The following DACH2 variants were observed in gnomAD, a reference collection of about 807,000 sequenced individuals.
The protein encoded by DACH2 is dachshund homolog 2.
DACH2 carries 17 observed loss-of-function variants against 35.8 expected under a neutral mutation model. That is an observed-to-expected ratio of 0.48 (90% CI 0.33 to 0.71). The LOEUF (loss-of-function observed/expected upper bound fraction) is 0.71, where lower values mean the gene tolerates loss of function less well. Ranked by LOEUF, DACH2 falls within the 30% of genes least tolerant of loss-of-function variation. DACH2 has a pLI of 0.02. For missense variants in DACH2, 469 were observed against 472.7 expected, an observed-to-expected ratio of 0.99 and a Z score of 0.07; for synonymous variants, 195 against 177.3, an observed-to-expected ratio of 1.10 and a Z score of -0.79.
At chrX:86,363,579 A>C (rs761911530) in intron 1 of DACH2, among the ~76,000 whole-genome samples, 1 of 111,822 alleles carries the variant, frequency 8.9e-6, no homozygotes, top group Admixed American at 9.6e-5. Context: ...GCTTGTTTCT[A>C]TCTGTACTCA....
intron 2 of DACH2, among the ~76,000 whole-genome samples, chrX:86,460,881 T>G (rs2037560808): frequency 9.0e-6 from 1 of 111,156 alleles, no homozygotes; most frequent in East Asian, 2.8e-4. Context: ...AACAAGACCC[T>G]TATTGCCTAT....
At chrX:86,504,788 C>T (rs190552531) in intron 2 of DACH2, among the ~76,000 whole-genome samples, 1 of 111,175 alleles carries the variant, frequency 9.0e-6, no homozygotes, top group East Asian at 2.8e-4. Context: ...TTCCCAGTCA[C>T]CTGCTATAAT....
At chrX:86,292,613 C>G (rs2072041518) in intron 1 of DACH2, among the ~76,000 whole-genome samples, 1 of 110,390 alleles carries the variant, frequency 9.1e-6, no homozygotes, top group Non-Finnish European at 1.9e-5. Context: ...CCCAGAGATT[C>G]TGGTATGTTG....
intron 5 of DACH2, among the ~76,000 whole-genome samples, chrX:86,705,286 T>A (rs1244168813): frequency 2.7e-5 from 3 of 109,300 alleles, no homozygotes; most frequent in Non-Finnish European, 5.7e-5. Flanking sequence ...CTTTGGGGAC[T>A]CCGGAAAATT....
At chrX:86,445,657 A>G (rs1388779330) in intron 2 of DACH2, among the ~76,000 whole-genome samples, 1 of 104,591 alleles carries the variant, frequency 9.6e-6, no homozygotes. Flanking sequence ...ATTTTCATGT[A>G]TTTGTAGAAG....
At chrX:86,324,107 A>G (rs1417935729) in intron 1 of DACH2, among the ~76,000 whole-genome samples, 1 of 112,030 alleles carries the variant, frequency 8.9e-6, no homozygotes, top group Admixed American at 9.5e-5. Context: ...TTTGAACTGC[A>G]TGAGGTTAGA....
intron 7 of DACH2, among the ~76,000 whole-genome samples, chrX:86,743,016 A>G (rs1397291245): frequency 9.0e-6 from 1 of 111,596 alleles, no homozygotes; most frequent in South Asian, 3.7e-4. Flanking sequence ...TTTGTATTAC[A>G]TATTTACTTT....
chrX:86,428,118 T>G (rs2036923754), intron 2 of DACH2, among the ~76,000 whole-genome samples: 1 of 111,761 alleles, frequency 8.9e-6, no homozygotes, highest in African/African-American at 3.2e-5. Flanking sequence ...ATTGCTGAAT[T>G]TAGAGGATGC....
intron 2 of DACH2, among the ~76,000 whole-genome samples, chrX:86,480,408 G>T (rs1328299920): frequency 8.9e-6 from 1 of 111,903 alleles, no homozygotes; most frequent in Non-Finnish European, 1.9e-5. Context: ...CTGGGATTGT[G>T]CTGGGTTAGA....
At chrX:86,768,455 A>T (rs763446597) in intron 7 of DACH2, among the ~76,000 whole-genome samples, 1 of 110,960 alleles carries the variant, frequency 9.0e-6, no homozygotes, top group African/African-American at 3.3e-5. Context: ...TAAGTTACAG[A>T]TCATATGCAG....
intron 3 of DACH2, among the ~76,000 whole-genome samples, chrX:86,591,310 C>T (rs953282760): frequency 4.5e-5 from 5 of 111,355 alleles, no homozygotes; most frequent in African/African-American, 1.3e-4. Context: ...TATAGCAGCA[C>T]GATTTATAAT....
At chrX:86,656,857 GTATATATATA>G (rs752576150) in intron 4 of DACH2, among the ~76,000 whole-genome samples, 15 of 66,744 alleles carry the variant, frequency 2.2e-4, no homozygotes, top group East Asian at 1.0e-3. Context: ...GTGTGTGTGT[GTATATATATA>G]TATATATATA....
At chrX:86,181,144 A>T (rs947496333) in intron 1 of DACH2, among the ~76,000 whole-genome samples, 3 of 84,712 alleles carry the variant, frequency 3.5e-5, no homozygotes, top group Admixed American at 1.3e-4. Context: ...TAGATGTCAT[A>T]TGTCTGACTG....
chrX:86,206,770 C>A (rs896019590), intron 1 of DACH2, among the ~76,000 whole-genome samples: 1 of 111,491 alleles, frequency 9.0e-6, no homozygotes, highest in Admixed American at 9.5e-5. Context: ...ATCTGGAAGC[C>A]CATCTTTGGA....
chrX:86,564,155 G>A (rs1253544448), intron 3 of DACH2, among the ~76,000 whole-genome samples: 1 of 110,687 alleles, frequency 9.0e-6, no homozygotes, highest in Admixed American at 9.7e-5. Context: ...TATTGACACA[G>A]CTTTTCTATT....
intron 5 of DACH2, among the ~76,000 whole-genome samples, chrX:86,703,110 T>C (rs1328227587): frequency 9.0e-6 from 1 of 111,068 alleles, no homozygotes; most frequent in Non-Finnish European, 1.9e-5. Flanking sequence ...CAGTGATGGG[T>C]CAATGTACTC....
chrX:86,816,054 G>A lies in DACH2; in HGVS notation c.1705G>A (p.Glu569Lys), dbSNP rs1569485378. 1 of 1,186,113 alleles carries A rather than the reference G, an allele frequency of 8.4e-7. No individual in the cohort carries two copies. The highest frequency in any genetic ancestry group is 1.8e-5 in the African/African-American group (1 of 55,537). The change falls in exon 11 of 12, where the codon GAA (glutamate) becomes AAA (lysine). Residue 569 changes from glutamate (E) to lysine (K), a missense_variant. Coordinates refer to ENST00000373125, the MANE Select transcript of DACH2 (RefSeq NM_053281.3). The stretch of plus-strand genomic sequence containing the variant: ...TTCAGATACTGGAATTCCAGATATT[G>A]AAATAGAAAACAATGGGACTCCTCA... ...MLKDTGIPDIEIENNGTPHDS... is the reference protein window; with the variant it reads ...MLKDTGIPDIKIENNGTPHDS...
intron 4 of DACH2, among the ~76,000 whole-genome samples, chrX:86,667,560 GA>G (rs1256487860): frequency 2.7e-3 from 214 of 78,798 alleles, no homozygotes; most frequent in Non-Finnish European, 3.9e-3. Flanking sequence ...AAGAAAGAAA[GA>G]AAGAAAGAAA....
At chrX:86,784,656 C>T (rs1569481937) in intron 7 of DACH2, among the ~76,000 whole-genome samples, 2 of 111,868 alleles carry the variant, frequency 1.8e-5, no homozygotes, top group Non-Finnish European at 3.8e-5. Flanking sequence ...ATAAATCAGT[C>T]TATCATAAAG....
Sources: allele counts gnomAD v4.1 joint callset (sites outside exome capture counted in the v4.1 genomes callset), GRCh38; gene constraint gnomAD v4.1.1; transcripts MANE v1.5; gene names NCBI Gene and HGNC (gene_info 2026-07-23, HGNC 2026-07-21).